Variants in TACR1 observed in about 807,000 individuals in gnomAD.
TACR1 encodes the protein tachykinin receptor 1.
Under a neutral mutation model 35.8 loss-of-function variants are expected in TACR1, and 25 were observed. That is an observed-to-expected ratio of 0.70 (90% CI 0.51 to 0.98). TACR1 has a LOEUF of 0.98. TACR1 is among the 50% of genes least tolerant of loss of function. TACR1 has a pLI of 0.00. For synonymous variants in TACR1, 195 were observed against 206.7 expected (o/e 0.94, Z 0.48); for missense variants, 478 against 522.9 (o/e 0.91, Z 0.84).
chr2:75,165,711 G>A (rs761377079), intron 1 of TACR1, among the ~76,000 whole-genome samples: 30 of 152,210 alleles, frequency 2.0e-4, no homozygotes, highest in Admixed American at 3.9e-4. Context: ...AATATGGTGC[G>A]CCCAGGCTAA....
intron 1 of TACR1, among the ~76,000 whole-genome samples, chr2:75,195,045 C>T (rs1051122541): frequency 9.2e-5 from 14 of 152,028 alleles, no homozygotes; most frequent in African/African-American, 2.4e-4. Context: ...GTTAGGGGAA[C>T]GGGGCTGTTG....
chr2:75,157,635 A>G (rs1674895808), intron 1 of TACR1, among the ~76,000 whole-genome samples: 1 of 152,232 alleles, frequency 6.6e-6, no homozygotes, highest in African/African-American at 2.4e-5. Context: ...GGTTGAAGTC[A>G]GGAAGAGGAG....
intron 1 of TACR1, among the ~76,000 whole-genome samples, chr2:75,174,614 G>A (rs1438270334): frequency 1.3e-5 from 2 of 152,212 alleles, no homozygotes; most frequent in Non-Finnish European, 2.9e-5. Flanking sequence ...CTGCAGAAAT[G>A]GAAACCGTGG....
chr2:75,180,847 T>C (rs1342275843), intron 1 of TACR1, among the ~76,000 whole-genome samples: 1 of 152,228 alleles, frequency 6.6e-6, no homozygotes, highest in Non-Finnish European at 1.5e-5. Context: ...CACAACATTA[T>C]TGTGGCAATA....
chr2:75,064,905 TCTTA>T (rs1672736483), intron 2 of TACR1, among the ~76,000 whole-genome samples: 4 of 152,234 alleles, frequency 2.6e-5, no homozygotes, highest in East Asian at 1.9e-4. Context: ...AAGTTAAGGT[TCTTA>T]CTTAGGGTGG....
chr2:75,102,440 C>CTTAT (rs1313124273), intron 2 of TACR1, among the ~76,000 whole-genome samples: 7 of 152,144 alleles, frequency 4.6e-5, no homozygotes, highest in Non-Finnish European at 1.0e-4. Context: ...AAGGTTCTAA[C>CTTAT]TGTAATAGAG....
intron 2 of TACR1, among the ~76,000 whole-genome samples, chr2:75,111,613 GAATA>G: frequency 6.6e-6 from 1 of 152,048 alleles, no homozygotes; most frequent in East Asian, 1.9e-4. Flanking sequence ...TCCATATAAA[GAATA>G]CTATGCAGCT....
chr2:75,173,986 C>T (rs576333263), intron 1 of TACR1, among the ~76,000 whole-genome samples: 2 of 152,324 alleles, frequency 1.3e-5, no homozygotes, highest in East Asian at 3.9e-4. Context: ...AATTACAACA[C>T]TGCAGCTCAG....
At chr2:75,164,914 C>G (rs1282489578) in intron 1 of TACR1, among the ~76,000 whole-genome samples, 1 of 152,192 alleles carries the variant, frequency 6.6e-6, no homozygotes, top group Non-Finnish European at 1.5e-5. Flanking sequence ...AGAGCAAAGT[C>G]AAGGCATGAA....
At chr2:75,161,726 A>G (rs535563534) in intron 1 of TACR1, among the ~76,000 whole-genome samples, 9 of 152,162 alleles carry the variant, frequency 5.9e-5, no homozygotes, top group Non-Finnish European at 1.0e-4. Flanking sequence ...TACATGAAAC[A>G]TTAATGGTTA....
chr2:75,094,210 G>A (rs1673366952), intron 2 of TACR1, among the ~76,000 whole-genome samples: 1 of 152,164 alleles, frequency 6.6e-6, no homozygotes, highest in African/African-American at 2.4e-5. Flanking sequence ...CTAAATGGAA[G>A]GGATAAAGTT....
intron 3 of TACR1, among the ~76,000 whole-genome samples, chr2:75,052,708 G>T (rs1050055941): frequency 1.3e-5 from 2 of 152,104 alleles, no homozygotes; most frequent in African/African-American, 4.8e-5. Context: ...AGTGCCAATA[G>T]CTAGAAGGGT....
chr2:75,052,689 T>A lies in TACR1; in HGVS notation c.735+916A>T, dbSNP rs552142702. On this transcript the variant is annotated intron_variant, in intron 3 of 4. Transcript: ENST00000305249. ...AGAAGAGAAAATAATATATATTTAC[T>A]TATTTATAAGTGCCAATAGCTAGAA... Among the ~76,000 whole-genome samples, 5 of 152,260 alleles carry A rather than the reference T, an allele frequency of 3.3e-5. No homozygotes were observed. The South Asian group carries it at 1.0e-3, about 32-fold the overall frequency.
chr2:75,076,874 A>G (rs934721933), intron 2 of TACR1, among the ~76,000 whole-genome samples: 1 of 152,180 alleles, frequency 6.6e-6, no homozygotes, highest in African/African-American at 2.4e-5. Flanking sequence ...TGACTTTTTT[A>G]TTCAGTAGGA....
intron 1 of TACR1, among the ~76,000 whole-genome samples, chr2:75,197,823 G>A (rs1308396592): frequency 6.6e-6 from 1 of 152,158 alleles, no homozygotes; most frequent in Non-Finnish European, 1.5e-5. Flanking sequence ...CACCTCTTGG[G>A]TAAGCTTCCT....
chr2:75,083,779 A>G (rs910850732), intron 2 of TACR1, among the ~76,000 whole-genome samples: 7 of 152,230 alleles, frequency 4.6e-5, no homozygotes, highest in African/African-American at 9.6e-5. Flanking sequence ...TTGATTTTGC[A>G]TCCTGAGACT....
intron 1 of TACR1, chr2:75,187,171 G>C (rs984086983): frequency 6.6e-6 from 1 of 152,232 alleles, no homozygotes; most frequent in Non-Finnish European, 1.5e-5. Flanking sequence ...ATATTCCACA[G>C]TCCCTTCTTA....
intron 1 of TACR1, among the ~76,000 whole-genome samples, chr2:75,125,212 C>T (rs557125904): frequency 4.1e-4 from 62 of 151,822 alleles, no homozygotes; most frequent in African/African-American, 1.5e-3. Context: ...GAGATGGAGT[C>T]TCGCTCTGTT....
intron 1 of TACR1, among the ~76,000 whole-genome samples, chr2:75,149,115 G>A (rs1572958315): frequency 6.6e-6 from 1 of 152,078 alleles, no homozygotes. Context: ...TGCTGTTTTG[G>A]TTACCGTAGC....
Sources: allele counts gnomAD v4.1 joint callset (sites outside exome capture counted in the v4.1 genomes callset), GRCh38; gene constraint gnomAD v4.1.1; transcripts MANE v1.5; gene names NCBI Gene and HGNC (gene_info 2026-07-23, HGNC 2026-07-21).